The following VAT1L variants were observed in gnomAD, a reference collection of about 807,000 sequenced individuals.
The protein encoded by VAT1L is vesicle amine transport 1 like.
Under a neutral mutation model 44.1 loss-of-function variants are expected in VAT1L, and 34 were observed. That is an observed-to-expected ratio of 0.77 (90% CI 0.59 to 1.03). VAT1L has a LOEUF of 1.03. Ranked by LOEUF, VAT1L falls within the 50% of genes least tolerant of loss-of-function variation. The pLI is 0.00. For synonymous variants in VAT1L, 253 were observed against 202.2 expected, an observed-to-expected ratio of 1.25 and a Z score of -2.13; for missense variants, 615 against 538.8, an observed-to-expected ratio of 1.14 and a Z score of -1.40.
Position 77,818,528 on chromosome 16 carries a change from A to C in VAT1L, c.363+1478A>C, listed in dbSNP as rs934226841. Among the ~76,000 whole-genome samples the C allele has an allele frequency of 2.0e-5, 3 of 152,332 alleles. No homozygotes were observed. In the East Asian group the frequency reaches 5.8e-4, roughly 29 times the overall value. On this transcript the variant is annotated intron_variant, in intron 2 of 8. Coordinates refer to ENST00000302536, the MANE Select transcript of VAT1L (RefSeq NM_020927.3). Reference sequence around the variant, plus strand: ...CTCTTCAATCCTCCACATGGTCCCCAAAGAAAAGATCATGCAGCTCACTCC... The same window carrying C: ...CTCTTCAATCCTCCACATGGTCCCCCAAGAAAAGATCATGCAGCTCACTCC...
intron 5 of VAT1L, 99 bp downstream of exon 5, chr16:77,876,572 G>A: frequency 9.9e-7 from 1 of 1,008,360 alleles, no homozygotes; most frequent in Non-Finnish European, 1.5e-6. Flanking sequence ...ATATGTTGGG[G>A]TAGTGGGATG....
chr16:77,884,482 A>G lies in VAT1L; in HGVS notation c.883-126A>G. 1.2e-6 allele frequency: 1 copy of G among 825,890 alleles called. No homozygotes were observed. The highest frequency in any genetic ancestry group is 3.2e-5 in the East Asian group (1 of 31,434). 51.2% of individuals were successfully genotyped at this position (825,890 alleles called of 1,614,324 possible). A position where few individuals can be genotyped will look rare whatever the true frequency, so the allele number is the denominator to read the frequency against. ...CACCACCAAGAGCAACCCCTTGGCCAGCTGGAATCTGCTGAGCTGCAGCCC... is the reference window on the plus strand; with the variant it reads ...CACCACCAAGAGCAACCCCTTGGCCGGCTGGAATCTGCTGAGCTGCAGCCC... On this transcript the variant is annotated intron_variant, in intron 6 of 8. Coordinates refer to ENST00000302536, the MANE Select transcript of VAT1L (RefSeq NM_020927.3). The surrounding 1 kb of genome is among the most constrained non-coding windows in gnomAD (Gnocchi z 4.5).
rs534007581 is a variant in VAT1L, at chr16:77,814,543, C to G, written c.234-2378C>G. Among the ~76,000 whole-genome samples, 108 of 152,226 alleles carry G rather than the reference C, an allele frequency of 7.1e-4. 1 individual carries two copies. The highest frequency in any genetic ancestry group is 2.5e-3 in the African/African-American group (105 of 41,524). On this transcript the variant is annotated intron_variant, in intron 1 of 8. Transcript: ENST00000302536. ...CCCAGTTGAGCAGCGTAATAAGTGT[C>G]GAAGATGAGGCCTTCTCCAGGGGGC... is the stretch of plus-strand genomic sequence containing the variant.
chr16:77,905,210 C>T (rs74025082), intron 7 of VAT1L, among the ~76,000 whole-genome samples: 4,765 of 152,238 alleles, frequency 0.031, 257 homozygotes, highest in African/African-American at 0.11. Context: ...TGCACCAAAT[C>T]TTGCAATAAT....
At chr16:77,813,429 A>C (rs180714980) in intron 1 of VAT1L, among the ~76,000 whole-genome samples, 2 of 152,214 alleles carry the variant, frequency 1.3e-5, no homozygotes, top group African/African-American at 4.8e-5. Context: ...AGCTTCTGCT[A>C]TAAACACATG....
Position 77,788,853 on chromosome 16 carries a change from G to A in VAT1L, c.171G>A (p.Arg57=), listed in dbSNP as rs1296859016. ...LAGFGGLNKL[R]LFRKAMPEPQ... is the part of the protein sequence containing the mutation. ...GCTTCGGGGGGCTCAACAAGCTGCG[G>A]CTCTTCAGGAAGGCCATGCCCGAGC... Residue 57 remains arginine, a synonymous_variant, in exon 1 of 9, where the codon CGG becomes CGA. Transcript: ENST00000302536. 1.3e-6 allele frequency: 2 copies of A among 1,578,758 alleles called. No individual in the cohort carries two copies. Among genetic ancestry groups the A allele is most frequent in the East Asian group, 2.3e-5 (1 of 43,380 alleles).
chr16:77,912,895 A>C (rs1227320980), intron 7 of VAT1L, among the ~76,000 whole-genome samples: 1 of 152,138 alleles, frequency 6.6e-6, no homozygotes, highest in African/African-American at 2.4e-5. Flanking sequence ...CTCATATGGC[A>C]GAGACAGGAA....
At chr16:77,820,795 A>C (rs75243935) in intron 2 of VAT1L, among the ~76,000 whole-genome samples, 3,563 of 152,304 alleles carry the variant, frequency 0.023, 144 homozygotes, top group African/African-American at 0.082. Context: ...ATATAAGGTC[A>C]CATAAATAAA....
chr16:77,853,728 C>T (rs1011376443), intron 3 of VAT1L, among the ~76,000 whole-genome samples: 28 of 152,120 alleles, frequency 1.8e-4, no homozygotes, highest in Admixed American at 4.6e-4. Flanking sequence ...GATGTTGAGG[C>T]TGCTGGCTCT....
intron 1 of VAT1L, among the ~76,000 whole-genome samples, chr16:77,803,714 T>C (rs1402215274): frequency 6.6e-6 from 1 of 152,140 alleles, no homozygotes; most frequent in East Asian, 1.9e-4. Flanking sequence ...CCACCATGCC[T>C]GGCTACACAT....
chr16:77,839,985 C>G (rs534539355), intron 3 of VAT1L, among the ~76,000 whole-genome samples: 1 of 150,678 alleles, frequency 6.6e-6, no homozygotes, highest in East Asian at 1.9e-4. Flanking sequence ...TGCATCTTAG[C>G]TTCCGCACCT....
At chr16:77,841,185 A>G (rs941951787) in intron 3 of VAT1L, among the ~76,000 whole-genome samples, 1 of 152,142 alleles carries the variant, frequency 6.6e-6, no homozygotes, top group South Asian at 2.1e-4. Context: ...GGCTCAAACA[A>G]TCCTCCCACC....
chr16:77,955,299 G>A (rs1340332039), intron 7 of VAT1L, among the ~76,000 whole-genome samples: 1 of 152,196 alleles, frequency 6.6e-6, no homozygotes, highest in Non-Finnish European at 1.5e-5. Flanking sequence ...GTCACAACGG[G>A]GTAGCGCTAC....
intron 3 of VAT1L, among the ~76,000 whole-genome samples, chr16:77,833,625 C>A (rs1480500396): frequency 6.6e-6 from 1 of 152,052 alleles, no homozygotes; most frequent in Non-Finnish European, 1.5e-5. Flanking sequence ...GTGGCGTGTG[C>A]CTGTAATCCC....
intron 7 of VAT1L, among the ~76,000 whole-genome samples, chr16:77,958,947 G>C (rs978347306): frequency 1.3e-5 from 2 of 152,190 alleles, no homozygotes; most frequent in African/African-American, 4.8e-5. Flanking sequence ...ATAGCTGGTT[G>C]AATGTTTCTC....
At chr16:77,870,160 G>A (rs2017016001) in intron 4 of VAT1L, among the ~76,000 whole-genome samples, 1 of 152,202 alleles carries the variant, frequency 6.6e-6, no homozygotes, top group African/African-American at 2.4e-5. Context: ...GTCACGTGCT[G>A]GGTGCTGTGC....
chr16:77,890,740 T>A lies in VAT1L; in HGVS notation c.1077+5938T>A, dbSNP rs542659087. ...GAGTTCAAGACCAGCCTGAGCAACA[T>A]GGTGATACCCCATCTCTACTAAAAC... On this transcript the variant is annotated intron_variant, in intron 7 of 8. Coordinates refer to ENST00000302536, the MANE Select transcript of VAT1L (RefSeq NM_020927.3). Among the ~76,000 whole-genome samples, 4 of 151,064 alleles carry A rather than the reference T, an allele frequency of 2.6e-5. No homozygotes were observed. In the East Asian group the frequency reaches 8.0e-4, roughly 30 times the overall value.
intron 1 of VAT1L, 152 bp from the exon 2 acceptor site, chr16:77,816,769 G>C (rs370253273): frequency 2.2e-6 from 2 of 924,446 alleles, no homozygotes; most frequent in Non-Finnish European, 3.1e-6. Context: ...TACTATTAGG[G>C]ATACTTTGCC....
At chr16:77,939,194 G>GT (rs1298389112) in intron 7 of VAT1L, among the ~76,000 whole-genome samples, 1 of 152,322 alleles carries the variant, frequency 6.6e-6, no homozygotes, top group South Asian at 2.1e-4. Context: ...GAAAATGCTT[G>GT]TTTAAACCTC....
Sources: allele counts gnomAD v4.1 joint callset (sites outside exome capture counted in the v4.1 genomes callset), GRCh38; gene constraint gnomAD v4.1.1; non-coding constraint Gnocchi (gnomAD v3.1); transcripts MANE v1.5; gene names NCBI Gene and HGNC (gene_info 2026-07-23, HGNC 2026-07-21).